THSD7B: variants seen among roughly 807,000 people sequenced by gnomAD.
THSD7B encodes thrombospondin type-1 domain-containing protein 7B.
A neutral mutation model predicts 213.6 loss-of-function variants in THSD7B; 138 were observed. The ratio of observed to expected loss-of-function variants is 0.65; its 90% CI spans 0.56 to 0.74. THSD7B has a LOEUF of 0.74. THSD7B is among the 30% of genes least tolerant of loss of function. The probability of loss-of-function intolerance (pLI) is 0.00; values close to 1 mark genes in which losing one functional copy is unlikely to be tolerated. For missense variants in THSD7B, 1,931 were observed against 1,991.5 expected (o/e 0.97, Z 0.58); for synonymous variants, 742 against 687.0 (o/e 1.08, Z -1.25).
intron 2 of THSD7B, among the ~76,000 whole-genome samples, chr2:137,039,317 G>A (rs532671866): frequency 6.6e-5 from 10 of 152,138 alleles, no homozygotes; most frequent in Admixed American, 3.3e-4. Flanking sequence ...AGGATTAAAC[G>A]ATATATTAAT....
At position 137,416,785 on chromosome 2, in the gene THSD7B, C is replaced by T. The variant is rs377494915; in HGVS notation, c.2959+4913C>T. Among the ~76,000 whole-genome samples the T allele has an allele frequency of 9.8e-5, 15 of 152,304 alleles. 1 individual carries two copies. In the South Asian group the frequency reaches 2.9e-3, roughly 29 times the overall value. On this transcript the variant is annotated intron_variant, in intron 14 of 27. Transcript: ENST00000409968. ...AGCCACCTGTGTAACACAAAGAGCACAGAAAACCTTGTTCTATTTTGCCCT... is the reference window on the plus strand; with the variant it reads ...AGCCACCTGTGTAACACAAAGAGCATAGAAAACCTTGTTCTATTTTGCCCT...
intron 17 of THSD7B, among the ~76,000 whole-genome samples, chr2:137,582,742 T>A (rs1252161514): frequency 2.0e-5 from 3 of 152,200 alleles, no homozygotes; most frequent in South Asian, 4.1e-4. Flanking sequence ...TCTATCATTG[T>A]TGGACATTTG....
At chr2:137,468,530 A>C (rs1688034812) in intron 15 of THSD7B, among the ~76,000 whole-genome samples, 1 of 149,706 alleles carries the variant, frequency 6.7e-6, no homozygotes, top group Admixed American at 6.8e-5. Flanking sequence ...AGGGCTGAGC[A>C]CTTGGAACCA....
rs149556455 is a variant in THSD7B at position 137,089,319 on chromosome 2, CAT to C, written c.951-5549_951-5548del. Among the ~76,000 whole-genome samples, 46 of 115,280 alleles carry C rather than the reference CAT, an allele frequency of 4.0e-4. 1 individual carries two copies. Among genetic ancestry groups the C allele is most frequent in the African/African-American group, 1.3e-3 (39 of 29,446 alleles). 75.6% of individuals were successfully genotyped at this position (115,280 alleles called of 152,430 possible). ...ATATGTGTGTGTATATGTATATATACATATATGTGTGTGTATATGTATATATA... is the reference window on the plus strand; with the variant it reads ...ATATGTGTGTGTATATGTATATATACATATGTGTGTGTATATGTATATATA... On this transcript the variant is annotated intron_variant, in intron 3 of 27. Transcript: ENST00000409968.
At chr2:137,337,920 A>AT (rs1175727010) in intron 12 of THSD7B, among the ~76,000 whole-genome samples, 4 of 151,862 alleles carry the variant, frequency 2.6e-5, no homozygotes, top group African/African-American at 4.8e-5. Flanking sequence ...CCCAATGTTA[A>AT]TTTTTTTTAA....
chr2:137,310,274 A>T (rs1343335582), intron 12 of THSD7B, among the ~76,000 whole-genome samples: 1 of 151,248 alleles, frequency 6.6e-6, no homozygotes, highest in Non-Finnish European at 1.5e-5. Flanking sequence ...GCATTTTTTC[A>T]TGTGTTTTTT....
At position 136,874,003 on chromosome 2, in the gene THSD7B, A is replaced by T. The variant is rs1296962799; in HGVS notation, c.-35-8141A>T. On this transcript the variant is annotated intron_variant, in intron 1 of 27. Transcript: ENST00000409968. Reference sequence around the variant, plus strand: ...ACCCTTAGGGATCAATCTCTTTTGCATCTAAAAATAGGAATAATTGCTCAT... The same window carrying T: ...ACCCTTAGGGATCAATCTCTTTTGCTTCTAAAAATAGGAATAATTGCTCAT... Among the ~76,000 whole-genome samples the T allele has an allele frequency of 2.6e-5, 4 of 152,312 alleles. 1 individual carries two copies. Among genetic ancestry groups the T allele is most frequent in the Non-Finnish European group, 2.9e-5 (2 of 68,030 alleles).
rs114881893 is a variant in THSD7B, at chr2:136,840,785, G to A, written c.-35-41359G>A. The stretch of plus-strand genomic sequence containing the variant: ...TGGAGAAGTGATTGGAAGGGAATAA[G>A]CCTGCTGGAAACCCAATGGAAAAAG... On this transcript the variant is annotated intron_variant, in intron 1 of 27. Coordinates refer to ENST00000409968, the MANE Select transcript of THSD7B (RefSeq NM_001316349.2). Among the ~76,000 whole-genome samples the A allele has an allele frequency of 6.0e-3, 916 of 152,220 alleles. 7 individuals carry two copies. Among genetic ancestry groups the A allele is most frequent in the African/African-American group, 0.021 (862 of 41,520 alleles).
chr2:137,146,483 C>G (rs1286285231), intron 5 of THSD7B, among the ~76,000 whole-genome samples: 2 of 152,024 alleles, frequency 1.3e-5, no homozygotes, highest in African/African-American at 2.4e-5. Flanking sequence ...TTAAAAAAAA[C>G]ACTTCAGTTG....
At chr2:137,241,950 A>G (rs1254744884) in intron 9 of THSD7B, among the ~76,000 whole-genome samples, 3 of 151,774 alleles carry the variant, frequency 2.0e-5, no homozygotes, top group African/African-American at 7.3e-5. Context: ...ATACCTGTTC[A>G]TCATTTAAGT....
intron 15 of THSD7B, among the ~76,000 whole-genome samples, chr2:137,533,688 T>G (rs186947269): frequency 6.6e-6 from 1 of 152,018 alleles, no homozygotes; most frequent in East Asian, 1.9e-4. Flanking sequence ...ATTATTATAT[T>G]TGTTTTAATG....
intron 1 of THSD7B, among the ~76,000 whole-genome samples, chr2:136,825,965 C>G (rs577847270): frequency 6.6e-6 from 1 of 152,230 alleles, no homozygotes; most frequent in African/African-American, 2.4e-5. Context: ...CCTGCAGTGT[C>G]CTTTTTGCAA....
At position 137,461,130 on chromosome 2, in the gene THSD7B, G is replaced by T. The variant is rs1687876099; in HGVS notation, c.3138+10107G>T. On this transcript the variant is annotated intron_variant, in intron 15 of 27. Transcript: ENST00000409968. The stretch of plus-strand genomic sequence containing the variant: ...CATTTTATTGTTGATGGGCATTTCG[G>T]TTATTTCCAGTCTGGGGCTATTACA... 1.3e-5 allele frequency among the ~76,000 whole-genome samples: 2 copies of T among 151,742 alleles called. 1 individual carries two copies. Among genetic ancestry groups the T allele is most frequent in the Admixed American group, 1.3e-4 (2 of 15,210 alleles).
chr2:137,096,508 T>G (rs993341336), intron 4 of THSD7B, among the ~76,000 whole-genome samples: 7 of 152,188 alleles, frequency 4.6e-5, no homozygotes, highest in African/African-American at 1.7e-4. Context: ...TTATTGTTAA[T>G]ATTTTGCTAA....
At chr2:137,331,643 C>A (rs915442624) in intron 12 of THSD7B, among the ~76,000 whole-genome samples, 2 of 152,142 alleles carry the variant, frequency 1.3e-5, no homozygotes, top group Non-Finnish European at 2.9e-5. Context: ...TGGGACTGGG[C>A]GCTGTGGAGC....
intron 20 of THSD7B, among the ~76,000 whole-genome samples, chr2:137,634,289 A>G (rs1189754525): frequency 7.9e-5 from 12 of 152,146 alleles, no homozygotes; most frequent in Non-Finnish European, 1.6e-4. Context: ...ACTTATGTTC[A>G]AAAGAAGTGA....
intron 2 of THSD7B, among the ~76,000 whole-genome samples, chr2:137,034,636 G>A (rs1465788409): frequency 1.3e-5 from 2 of 151,992 alleles, no homozygotes; most frequent in Non-Finnish European, 2.9e-5. Flanking sequence ...CTCCTTGTGT[G>A]TCCATGTGTT....
intron 21 of THSD7B, among the ~76,000 whole-genome samples, chr2:137,645,621 G>T (rs868090418): frequency 6.6e-6 from 1 of 151,638 alleles, no homozygotes; most frequent in African/African-American, 2.4e-5. Context: ...AAAGTGATCT[G>T]CAGCATAAGT....
At position 137,120,647 on chromosome 2, in the gene THSD7B, G is replaced by A. The variant is rs191499564; in HGVS notation, c.1369+5354G>A. Among the ~76,000 whole-genome samples the A allele has an allele frequency of 4.1e-4, 62 of 152,258 alleles. No homozygotes were observed. In the East Asian group the frequency reaches 0.011, roughly 28 times the overall value. On this transcript the variant is annotated intron_variant, in intron 5 of 27. Transcript: ENST00000409968. Reference sequence around the variant, plus strand: ...TCTTGAACCTACACACTAAGGTAGAGTTTAGGACTTGATAGCCATTTCTCC... The same window carrying A: ...TCTTGAACCTACACACTAAGGTAGAATTTAGGACTTGATAGCCATTTCTCC...
Sources: allele counts gnomAD v4.1 joint callset (sites outside exome capture counted in the v4.1 genomes callset), GRCh38; gene constraint gnomAD v4.1.1; transcripts MANE v1.5; gene names NCBI Gene and HGNC (gene_info 2026-07-23, HGNC 2026-07-21).